Variants in SESTD1 observed in about 807,000 individuals in gnomAD.
The protein encoded by SESTD1 is SEC14 domain and spectrin repeat-containing protein 1.
A neutral mutation model predicts 101.7 loss-of-function variants in SESTD1; 43 were observed. That is an observed-to-expected ratio of 0.42 (90% CI 0.33 to 0.55). The LOEUF (loss-of-function observed/expected upper bound fraction) is 0.55, where lower values mean the gene tolerates loss of function less well. Ranked by LOEUF, SESTD1 falls within the 20% of genes least tolerant of loss-of-function variation. The pLI, the probability that SESTD1 is intolerant of heterozygous loss-of-function variation, is 0.07. For missense variants in SESTD1, 647 were observed against 815.1 expected, an observed-to-expected ratio of 0.79 and a Z score of 2.51; for synonymous variants, 283 against 286.8, an observed-to-expected ratio of 0.99 and a Z score of 0.13.
At chr2:179,189,464 A>G (rs1283968358) in intron 2 of SESTD1, among the ~76,000 whole-genome samples, 1 of 152,222 alleles carries the variant, frequency 6.6e-6, no homozygotes, top group African/African-American at 2.4e-5. Context: ...AGCCAACATT[A>G]TGCTGAACAG....
intron 1 of SESTD1, among the ~76,000 whole-genome samples, chr2:179,199,675 C>G (rs905720938): frequency 2.6e-5 from 4 of 152,032 alleles, no homozygotes; most frequent in Admixed American, 2.0e-4. Flanking sequence ...AAATGTAATC[C>G]AGCATATAAA....
At chr2:179,235,148 C>T (rs574581366) in intron 1 of SESTD1, among the ~76,000 whole-genome samples, 2 of 152,134 alleles carry the variant, frequency 1.3e-5, no homozygotes, top group East Asian at 1.9e-4. Flanking sequence ...CTATAGAGTA[C>T]TGCATCAATG....
chr2:179,254,909 T>G (rs2047369943), intron 1 of SESTD1, among the ~76,000 whole-genome samples: 1 of 152,250 alleles, frequency 6.6e-6, no homozygotes, highest in Admixed American at 6.5e-5. Flanking sequence ...TGTGTTTCTG[T>G]GTCACATTTT....
At chr2:179,256,248 G>A (rs1014843212) in intron 1 of SESTD1, among the ~76,000 whole-genome samples, 3 of 152,176 alleles carry the variant, frequency 2.0e-5, no homozygotes, top group Non-Finnish European at 4.4e-5. Flanking sequence ...TTTCTCTGAT[G>A]GATTTGGGCA....
Position 179,123,824 on chromosome 2 carries a change from A to G in SESTD1, c.1173T>C (p.Ser391=), listed in dbSNP as rs2044807591. The G allele has an allele frequency of 1.2e-6, 2 of 1,611,978 alleles. No individual in the cohort carries two copies. Among genetic ancestry groups the G allele is most frequent in the African/African-American group, 2.7e-5 (2 of 74,888 alleles). Residue 391 remains serine (S), a synonymous_variant, in exon 12 of 18, where the codon TCT becomes TCC. Transcript: ENST00000428443. The part of the protein sequence containing the change: ...LEFHGVAQDL[S]QQLDGLLGML... ...TCCCTAATAAGCCATCCAACTGCTG[A>G]GACAACTAAAGCAGAGGGACACCAA...
At chr2:179,187,774 T>C (rs1199703747) in intron 2 of SESTD1, among the ~76,000 whole-genome samples, 2 of 152,234 alleles carry the variant, frequency 1.3e-5, no homozygotes, top group Non-Finnish European at 2.9e-5. Flanking sequence ...AGAGCAGGGA[T>C]CACTATTCTC....
At chr2:179,186,161 A>T (rs987849785) in intron 2 of SESTD1, among the ~76,000 whole-genome samples, 5 of 151,562 alleles carry the variant, frequency 3.3e-5, no homozygotes, top group African/African-American at 1.2e-4. Flanking sequence ...TATCAAGGCA[A>T]TTAGGACAGG....
intron 1 of SESTD1, among the ~76,000 whole-genome samples, chr2:179,206,650 G>A (rs765102939): frequency 1.5e-5 from 2 of 134,914 alleles, no homozygotes; most frequent in Admixed American, 1.4e-4. Context: ...TTGCAACTGA[G>A]CACAAACTTT....
At chr2:179,232,035 T>C (rs2046996295) in intron 1 of SESTD1, among the ~76,000 whole-genome samples, 1 of 152,030 alleles carries the variant, frequency 6.6e-6, no homozygotes, top group African/African-American at 2.4e-5. Context: ...AACTGAAAAC[T>C]ACATACCCTG....
intron 1 of SESTD1, among the ~76,000 whole-genome samples, chr2:179,194,122 C>G (rs2046356840): frequency 6.6e-6 from 1 of 152,144 alleles, no homozygotes; most frequent in Non-Finnish European, 1.5e-5. Context: ...GGGTTGAGGC[C>G]ACACCTTCTT....
chr2:179,117,436 T>A, intron 14 of SESTD1, 96 bp downstream of exon 14: 1 of 1,146,030 alleles, frequency 8.7e-7, no homozygotes, highest in East Asian at 2.8e-5. Flanking sequence ...AGAATTTACT[T>A]TTTTAGGACC....
rs1156380390 is a variant in SESTD1, at chr2:179,210,362, G to A, written c.-25-18496C>T. Among the ~76,000 whole-genome samples, 2 of 133,518 alleles carry A rather than the reference G, an allele frequency of 1.5e-5. 1 individual carries two copies. The highest frequency in any genetic ancestry group is 3.2e-5 in the Non-Finnish European group (2 of 62,224). 87.6% of individuals were successfully genotyped at this position (133,518 alleles called of 152,430 possible). On this transcript the variant is annotated intron_variant, in intron 1 of 17. Coordinates refer to ENST00000428443, the MANE Select transcript of SESTD1 (RefSeq NM_178123.5). The stretch of plus-strand genomic sequence containing the variant: ...CAGTATTCCCCTAATACCAAAACCA[G>A]AAAAGGACATAACAAAAAAAGAAAA...
At chr2:179,251,763 T>C (rs563819426) in intron 1 of SESTD1, among the ~76,000 whole-genome samples, 19 of 152,226 alleles carry the variant, frequency 1.2e-4, no homozygotes, top group Non-Finnish European at 2.2e-4. Context: ...TCTGGAGAGT[T>C]CCCTTGCCCT....
chr2:179,114,627 C>T (rs557807673), intron 16 of SESTD1, among the ~76,000 whole-genome samples: 15 of 147,964 alleles, frequency 1.0e-4, no homozygotes, highest in African/African-American at 3.5e-4. Context: ...TACTTTTGTC[C>T]TTATTCTTAT....
At position 179,106,668 on chromosome 2, in the gene SESTD1, A is replaced by G. The variant is rs2044390151; in HGVS notation, c.*3231T>C. On this transcript the variant is annotated 3_prime_UTR_variant, in exon 18 of 18. Transcript: ENST00000428443. ...AGCAATAGCCAATGTAAATTTGTAT[A>G]AAGTGAGAAGTATTCAATCTTCTAC... 6.6e-6 allele frequency: 1 copy of G among 152,204 alleles called. No individual in the cohort carries two copies. Among genetic ancestry groups the G allele is most frequent in the Non-Finnish European group, 1.5e-5 (1 of 68,032 alleles). 9.4% of individuals were successfully genotyped at this position (152,204 alleles called of 1,614,324 possible).
At chr2:179,215,345 G>C (rs1167439362) in intron 1 of SESTD1, among the ~76,000 whole-genome samples, 1 of 134,896 alleles carries the variant, frequency 7.4e-6, no homozygotes, top group East Asian at 2.0e-4. Flanking sequence ...ACCACCATCA[G>C]AGAATACTAT....
At chr2:179,156,251 T>G (rs1171603644) in intron 5 of SESTD1, among the ~76,000 whole-genome samples, 1 of 152,192 alleles carries the variant, frequency 6.6e-6, no homozygotes, top group Non-Finnish European at 1.5e-5. Context: ...GGACTTGGGT[T>G]GGCTCTATGA....
intron 1 of SESTD1, among the ~76,000 whole-genome samples, chr2:179,231,056 A>T (rs2046979813): frequency 6.6e-6 from 1 of 152,162 alleles, no homozygotes; most frequent in Non-Finnish European, 1.5e-5. Flanking sequence ...GTGTGAACCA[A>T]GGACTTATTT....
In SESTD1 at chr2:179,163,104, C is replaced by T. The variant is rs144982907; in HGVS notation, c.369+9016G>A. Among the ~76,000 whole-genome samples, 703 of 152,050 alleles carry T rather than the reference C, an allele frequency of 4.6e-3. 1 individual carries two copies. The highest frequency in any genetic ancestry group is 0.016 in the African/African-American group (676 of 41,490). ...GTTTATAACTTATGGATCTATAGAA[C>T]AATAATTAGTTTTGTATCTAATTTG... On this transcript the variant is annotated intron_variant, in intron 5 of 17. Coordinates refer to ENST00000428443, the MANE Select transcript of SESTD1 (RefSeq NM_178123.5).
Sources: allele counts gnomAD v4.1 joint callset (sites outside exome capture counted in the v4.1 genomes callset), GRCh38; gene constraint gnomAD v4.1.1; transcripts MANE v1.5; gene names NCBI Gene and HGNC (gene_info 2026-07-23, HGNC 2026-07-21).